TMEM117: variants seen among roughly 807,000 people sequenced by gnomAD.
The protein encoded by TMEM117 is transmembrane protein 117.
Under a neutral mutation model 52.4 loss-of-function variants are expected in TMEM117, and 27 were observed. The observed-to-expected ratio is 0.51, with a 90% CI of 0.38 to 0.71. The LOEUF is 0.71. Ranked by LOEUF, TMEM117 falls within the 30% of genes least tolerant of loss-of-function variation. The pLI is 0.00. For synonymous variants in TMEM117, 215 were observed against 206.3 expected (o/e 1.04, Z -0.36); for missense variants, 556 against 630.5 (o/e 0.88, Z 1.26).
intron 3 of TMEM117, among the ~76,000 whole-genome samples, chr12:44,100,934 A>G (rs1184575675): frequency 1.3e-5 from 2 of 151,938 alleles, no homozygotes; most frequent in East Asian, 1.9e-4. Context: ...CACTGGGTGG[A>G]TTATAAACAA....
At chr12:44,342,439 C>G (rs998066550) in intron 6 of TMEM117, among the ~76,000 whole-genome samples, 3 of 152,106 alleles carry the variant, frequency 2.0e-5, no homozygotes, top group Non-Finnish European at 4.4e-5. Context: ...TCACAGACCA[C>G]CAAGTCCTGA....
chr12:43,988,606 G>A (rs937402821), intron 3 of TMEM117, among the ~76,000 whole-genome samples: 1 of 152,044 alleles, frequency 6.6e-6, no homozygotes, highest in African/African-American at 2.4e-5. Flanking sequence ...TTAGCAATGG[G>A]AATTGCATGG....
chr12:44,388,769 T>G lies in TMEM117; in HGVS notation c.*97T>G. 7.3e-7 allele frequency: 1 copy of G among 1,363,824 alleles called. No individual in the cohort carries two copies. Among genetic ancestry groups the G allele is most frequent in the Non-Finnish European group, 1.0e-6 (1 of 999,164 alleles). 84.5% of individuals were successfully genotyped at this position (1,363,824 alleles called of 1,614,324 possible). The stretch of plus-strand genomic sequence containing the variant: ...TTGTATATGTAAGGTTTACGTAGTG[T>G]TAGGTAAAAATATGAACAATGCCAC... On this transcript the variant is annotated 3_prime_UTR_variant, in exon 8 of 8. Transcript: ENST00000266534.
At chr12:43,853,230 A>G (rs1479445352) in intron 2 of TMEM117, among the ~76,000 whole-genome samples, 1 of 152,184 alleles carries the variant, frequency 6.6e-6, no homozygotes, top group Non-Finnish European at 1.5e-5. Flanking sequence ...ATTTGATTGA[A>G]TAAATAAATT....
At chr12:43,843,863 A>G (rs1050173960) in intron 1 of TMEM117, among the ~76,000 whole-genome samples, 3 of 152,242 alleles carry the variant, frequency 2.0e-5, no homozygotes, top group African/African-American at 7.2e-5. Context: ...ACATTTTAAT[A>G]AAAGTTTATT....
At chr12:44,293,316 A>G (rs1054510961) in intron 5 of TMEM117, among the ~76,000 whole-genome samples, 10 of 151,942 alleles carry the variant, frequency 6.6e-5, no homozygotes, top group Non-Finnish European at 1.3e-4. Flanking sequence ...TGTCCTTAAG[A>G]CTAAAATGAT....
chr12:43,849,735 A>G (rs564657524), intron 2 of TMEM117, among the ~76,000 whole-genome samples: 10 of 152,124 alleles, frequency 6.6e-5, no homozygotes, highest in African/African-American at 2.2e-4. Context: ...ATGAAATTAT[A>G]TGGAATATTA....
chr12:44,086,214 CTTTT>C (rs772258917), intron 3 of TMEM117, among the ~76,000 whole-genome samples: 1 of 125,368 alleles, frequency 8.0e-6, no homozygotes, highest in Non-Finnish European at 1.7e-5. Context: ...GCTTCCAAGT[CTTTT>C]TTTTTTTTTT....
chr12:43,851,924 G>A (rs1349549038), intron 2 of TMEM117, among the ~76,000 whole-genome samples: 1 of 152,222 alleles, frequency 6.6e-6, no homozygotes, highest in East Asian at 1.9e-4. Flanking sequence ...TACAAGAGAT[G>A]CTGAATGGTG....
At position 43,844,750 on chromosome 12, in the gene TMEM117, C is replaced by A; in HGVS notation, c.99C>A (p.Asp33Glu). Residue 33 changes from aspartate (D) to glutamate (E), a missense_variant, in exon 2 of 8, where the codon GAC (aspartate) becomes GAA (glutamate). By Grantham distance (45) the Asp-to-Glu change is conservative. Coordinates refer to ENST00000266534, the MANE Select transcript of TMEM117 (RefSeq NM_032256.3). ...TTAACTTCTTAATATTTGCGGAGGA[C>A]CCAGTTTCTCATAGCCAAACAGAAG... ...IFFNFLIFAEDPVSHSQTEAN... is the reference protein window; with the variant it reads ...IFFNFLIFAEEPVSHSQTEAN... The A allele has an allele frequency of 6.2e-7, 1 of 1,614,108 alleles. No homozygotes were observed. Among genetic ancestry groups the A allele is most frequent in the Non-Finnish European group, 8.5e-7 (1 of 1,180,030 alleles).
chr12:43,798,933 T>C, the TMEM117 span, among the ~76,000 whole-genome samples: 1 of 152,100 alleles, frequency 6.6e-6, no homozygotes, highest in Non-Finnish European at 1.5e-5. Flanking sequence ...GACTCTAATA[T>C]GCTCAACAGG....
chr12:43,851,703 G>A (rs1019002486), intron 2 of TMEM117, among the ~76,000 whole-genome samples: 7 of 152,180 alleles, frequency 4.6e-5, no homozygotes, highest in Non-Finnish European at 1.0e-4. Context: ...CCACGGAAAA[G>A]GCAGAATCAA....
chr12:43,981,112 G>C (rs1241694918), intron 3 of TMEM117, among the ~76,000 whole-genome samples: 2 of 152,096 alleles, frequency 1.3e-5, no homozygotes, highest in Non-Finnish European at 2.9e-5. Flanking sequence ...AAGAAAGTTA[G>C]TGTCTTTCCC....
intron 2 of TMEM117, 23 bp downstream of exon 2, chr12:43,844,951 T>C (rs374834493): frequency 6.3e-7 from 1 of 1,582,920 alleles, no homozygotes; most frequent in African/African-American, 1.4e-5. Flanking sequence ...ACCCATGAAA[T>C]GTAATATCAC....
intron 6 of TMEM117, among the ~76,000 whole-genome samples, chr12:44,348,833 C>G (rs1194482183): frequency 6.6e-6 from 1 of 151,802 alleles, no homozygotes; most frequent in Non-Finnish European, 1.5e-5. Flanking sequence ...TAGAACGGGC[C>G]CCTTTTCCCA....
intron 5 of TMEM117, among the ~76,000 whole-genome samples, chr12:44,265,370 G>T (rs1347075400): frequency 1.3e-5 from 2 of 152,134 alleles, no homozygotes; most frequent in African/African-American, 4.8e-5. Flanking sequence ...CACACTACTG[G>T]AAGAAGTGAG....
chr12:43,877,890 A>ACAC (rs1943829106), intron 2 of TMEM117, among the ~76,000 whole-genome samples: 18 of 142,998 alleles, frequency 1.3e-4, no homozygotes, highest in Non-Finnish European at 2.6e-4. Flanking sequence ...GTAAAAACAA[A>ACAC]ACACACACAC....
At chr12:43,880,954 G>C (rs549717705) in intron 2 of TMEM117, among the ~76,000 whole-genome samples, 21 of 152,292 alleles carry the variant, frequency 1.4e-4, no homozygotes, top group Middle Eastern at 6.8e-3. Flanking sequence ...GGACTTTTAT[G>C]TTCTTGTTAC....
chr12:44,271,166 G>C (rs1395255149), intron 5 of TMEM117, among the ~76,000 whole-genome samples: 1 of 152,066 alleles, frequency 6.6e-6, no homozygotes, highest in Non-Finnish European at 1.5e-5. Flanking sequence ...TTGGTATTAA[G>C]ATGATACTGG....
Sources: gnomAD v4.1 joint callset for allele counts (sites outside exome capture counted in the v4.1 genomes callset) on GRCh38, gnomAD v4.1.1 for gene constraint, MANE v1.5 for transcripts, NCBI Gene and HGNC (gene_info 2026-07-23, HGNC 2026-07-21) for gene names.